The following NFIX variants were observed in gnomAD, a reference collection of about 807,000 sequenced individuals.
The protein encoded by NFIX is nuclear factor I X.
In NFIX, 2 loss-of-function variants were observed where a neutral mutation model predicts 53.3. The observed-to-expected ratio is 0.04, with a 90% CI of 0.02 to 0.12. NFIX has a LOEUF of 0.12. Among genes scored for constraint, NFIX ranks in the 10% least tolerant of loss-of-function variants. NFIX has a pLI of 1.00. For missense variants in NFIX, 310 were observed against 674.5 expected (o/e 0.46, Z 5.99); for synonymous variants, 244 against 289.0 (o/e 0.84, Z 1.58).
At chr19:13,062,348 T>C (rs530882859) in intron 2 of NFIX, among the ~76,000 whole-genome samples, 7 of 152,346 alleles carry the variant, frequency 4.6e-5, no homozygotes, top group African/African-American at 1.7e-4. Context: ...GGGGAAGATG[T>C]CAGCTAGCTG....
At position 13,090,671 on chromosome 19, in the gene NFIX, AG is replaced by A. The variant is rs2018078687; in HGVS notation, c.1494+283del. On this transcript the variant is annotated intron_variant, in intron 10 of 10. Coordinates refer to ENST00000592199, the MANE Select transcript of NFIX (RefSeq NM_001365902.3). The surrounding 1 kb of genome is among the most constrained non-coding windows in gnomAD (Gnocchi z 6.6). Reference sequence around the variant, plus strand: ...CCCAAGTCTAGAGGCCCTCTGGGCCAGGCCTGGTAGAAGCAAAGATGGAAGC... The same window carrying A: ...CCCAAGTCTAGAGGCCCTCTGGGCCAGCCTGGTAGAAGCAAAGATGGAAGC... 6.6e-6 allele frequency among the ~76,000 whole-genome samples: 1 copy of A among 152,230 alleles called. No individual in the cohort carries two copies. The highest frequency in any genetic ancestry group is 1.5e-5 in the Non-Finnish European group (1 of 68,028).
chr19:13,069,819 T>G (rs903377827), intron 2 of NFIX: 2 of 152,256 alleles, frequency 1.3e-5, no homozygotes, highest in African/African-American at 2.4e-5. Flanking sequence ...TGGATTTGTG[T>G]ATTTGTTCAG....
chr19:13,038,179 CA>C (rs780423252), intron 2 of NFIX, among the ~76,000 whole-genome samples: 4 of 152,184 alleles, frequency 2.6e-5, no homozygotes, highest in Non-Finnish European at 4.4e-5. Flanking sequence ...CAAAGTGAGA[CA>C]GTGCTGACAG....
rs753302605 is a variant in NFIX, at chr19:13,040,379, G to A, written c.559+14827G>A. Among the ~76,000 whole-genome samples, 4 of 152,210 alleles carry A rather than the reference G, an allele frequency of 2.6e-5. No individual in the cohort carries two copies. The highest frequency in any genetic ancestry group is 4.4e-5 in the Non-Finnish European group (3 of 68,036). On this transcript the variant is annotated intron_variant, in intron 2 of 10. Transcript: ENST00000592199. This position sits in a 1 kb window ranked among gnomAD's most constrained non-coding sequence, Gnocchi z 4.2. ...CATGTCCTCTCCAGACTTGGTCTGC[G>A]GAGCAGCCAAACTCACTCGTGACAG...
intron 2 of NFIX, among the ~76,000 whole-genome samples, chr19:13,046,436 G>A (rs140340524): frequency 6.6e-6 from 1 of 152,178 alleles, no homozygotes; most frequent in African/African-American, 2.4e-5. Flanking sequence ...GTTTCACACC[G>A]AGTCCCTAAT....
At chr19:13,041,873 C>T (rs1031637005) in intron 2 of NFIX, among the ~76,000 whole-genome samples, 4 of 151,210 alleles carry the variant, frequency 2.6e-5, no homozygotes, top group South Asian at 4.2e-4. Flanking sequence ...AGTGGTTTAG[C>T]ATCTTTTCTT....
chr19:13,073,330 AG>A lies in NFIX; in HGVS notation c.623-89del, dbSNP rs1448219935. 1 of 1,158,518 alleles carries A rather than the reference AG, an allele frequency of 8.6e-7. No homozygotes were observed. The highest frequency in any genetic ancestry group is 1.5e-5 in the African/African-American group (1 of 65,984). 71.8% of individuals were successfully genotyped at this position (1,158,518 alleles called of 1,614,324 possible). A position where few individuals can be genotyped will look rare whatever the true frequency, so the allele number is the denominator to read the frequency against. ...CCTGGAGCTGGAAACGGGACTTGGG[AG>A]GGAGAAGCAACAGTGTGGAAGACCT... On this transcript the variant is annotated intron_variant, in intron 3 of 10. Coordinates refer to ENST00000592199, the MANE Select transcript of NFIX (RefSeq NM_001365902.3). The surrounding 1 kb of genome is among the most constrained non-coding windows in gnomAD (Gnocchi z 4.5).
Position 13,073,306 on chromosome 19 carries a change from C to G in NFIX, c.623-116C>G, listed in dbSNP as rs982227957. The G allele has an allele frequency of 3.9e-5, 40 of 1,025,650 alleles. No individual in the cohort carries two copies. Among genetic ancestry groups the G allele is most frequent in the Middle Eastern group, 4.0e-4 (2 of 4,960 alleles). The allele number at this position is 1,025,650 out of a possible 1,614,324, so 63.5% of individuals were successfully genotyped here. ...GTTCGGTGTAGACCTGAGGGCTAGCCTGGAGCTGGAAACGGGACTTGGGAG... is the reference window on the plus strand; with the variant it reads ...GTTCGGTGTAGACCTGAGGGCTAGCGTGGAGCTGGAAACGGGACTTGGGAG... On this transcript the variant is annotated intron_variant, in intron 3 of 10. Coordinates refer to ENST00000592199, the MANE Select transcript of NFIX (RefSeq NM_001365902.3). This position sits in a 1 kb window ranked among gnomAD's most constrained non-coding sequence, Gnocchi z 4.5.
At position 13,088,265 on chromosome 19, in the gene NFIX, A is replaced by C; in HGVS notation, c.1402+129A>C. ...CCCCCCAACCCAGAGCACCATGGAC[A>C]AGAGCAGAGCCGAGCCCCCCAACCA... On this transcript the variant is annotated intron_variant, in intron 9 of 10. Transcript: ENST00000592199. The surrounding 1 kb of genome is among the most constrained non-coding windows in gnomAD (Gnocchi z 5.9). The C allele has an allele frequency of 8.6e-7, 1 of 1,163,628 alleles. No individual in the cohort carries two copies. The highest frequency in any genetic ancestry group is 2.6e-5 in the East Asian group (1 of 38,092). 72.1% of individuals were successfully genotyped at this position (1,163,628 alleles called of 1,614,324 possible). A position where few individuals can be genotyped will look rare whatever the true frequency, so the allele number is the denominator to read the frequency against.
intron 2 of NFIX, among the ~76,000 whole-genome samples, chr19:13,033,680 A>G (rs1367345143): frequency 6.6e-6 from 1 of 152,220 alleles, no homozygotes; most frequent in Admixed American, 6.5e-5. Context: ...CTTTAGCACC[A>G]GGCTAAGTCC....
chr19:13,007,389 T>C (rs1043199908), intron 1 of NFIX, among the ~76,000 whole-genome samples: 6 of 152,084 alleles, frequency 3.9e-5, no homozygotes, highest in African/African-American at 1.4e-4. Flanking sequence ...ACCCCTTCAT[T>C]TGCCTCAAGC....
chr19:13,017,475 G>A (rs1437093916), intron 1 of NFIX, among the ~76,000 whole-genome samples: 4 of 152,202 alleles, frequency 2.6e-5, no homozygotes, highest in African/African-American at 7.2e-5. Flanking sequence ...GTGCCAGGCC[G>A]ATCTGAGGGC....
At position 12,998,339 on chromosome 19, in the gene NFIX, C is replaced by T. The variant is rs2011543607; in HGVS notation, c.27+2475C>T. On this transcript the variant is annotated intron_variant, in intron 1 of 10. Transcript: ENST00000592199. The surrounding 1 kb of genome is among the most constrained non-coding windows in gnomAD (Gnocchi z 4.4). ...CTCTCTCTTTCCCTCTCTCTCTCTC[C>T]CTTTTCTTTTTTTCAAACCAGAATT... 2.0e-5 allele frequency among the ~76,000 whole-genome samples: 3 copies of T among 151,858 alleles called. No homozygotes were observed. Among genetic ancestry groups the T allele is most frequent in the South Asian group, 4.2e-4 (2 of 4,798 alleles).
rs1485204237 is a variant in NFIX, at chr19:13,088,084, C to A, written c.1350C>A (p.Ser450=). The part of the protein sequence containing the change: ...ARPVPLPMPD[S]KSTSTAPDGA... ...CTGTGCCCCTTCCTATGCCTGATTCCAAATCCACCAGCACTGCCCCAGACG... is the reference window on the plus strand; with the variant it reads ...CTGTGCCCCTTCCTATGCCTGATTCAAAATCCACCAGCACTGCCCCAGACG... Residue 450 remains serine, a synonymous_variant, in exon 9 of 11, where the codon TCC becomes TCA. Transcript: ENST00000592199. This position sits in a 1 kb window ranked among gnomAD's most constrained non-coding sequence, Gnocchi z 5.9. 6.5e-7 allele frequency: 1 copy of A among 1,536,502 alleles called. No homozygotes were observed.
At position 13,073,391 on chromosome 19, in the gene NFIX, T is replaced by C; in HGVS notation, c.623-31T>C. On this transcript the variant is annotated intron_variant, in intron 3 of 10. Transcript: ENST00000592199. This position sits in a 1 kb window ranked among gnomAD's most constrained non-coding sequence, Gnocchi z 4.5. ...GCCAGGCAGCCCCCTTCTGGCCTTGTCTTGACTCACTCATCCTTTCCCCTC... is the reference window on the plus strand; with the variant it reads ...GCCAGGCAGCCCCCTTCTGGCCTTGCCTTGACTCACTCATCCTTTCCCCTC... The C allele has an allele frequency of 6.3e-7, 1 of 1,590,748 alleles. No homozygotes were observed. The highest frequency in any genetic ancestry group is 8.6e-7 in the Non-Finnish European group (1 of 1,158,642).
rs2017229810 is a variant in NFIX at position 13,078,222 on chromosome 19, G to GGC, written c.956-390_956-389dup. On this transcript the variant is annotated intron_variant, in intron 6 of 10. Coordinates refer to ENST00000592199, the MANE Select transcript of NFIX (RefSeq NM_001365902.3). This position sits in a 1 kb window ranked among gnomAD's most constrained non-coding sequence, Gnocchi z 4.7. ...GTCCCTCCCAAACTTACCCCTTCCC[G>GGC]GCTCTCAAGCTGGCGCCCTGGGGTT... Among the ~76,000 whole-genome samples, 3 of 152,070 alleles carry GGC rather than the reference G, an allele frequency of 2.0e-5. No homozygotes were observed. The highest frequency in any genetic ancestry group is 4.1e-4 in the South Asian group (2 of 4,828).
At chr19:13,085,810 G>A (rs962519935) in intron 8 of NFIX, among the ~76,000 whole-genome samples, 1 of 152,172 alleles carries the variant, frequency 6.6e-6, no homozygotes. Context: ...GGGCGTGGCT[G>A]CACAGGCCAG....
chr19:13,094,323 C>T lies in NFIX; in HGVS notation c.1495-312C>T, dbSNP rs2018313619. 6.6e-6 allele frequency among the ~76,000 whole-genome samples: 1 copy of T among 152,230 alleles called. No homozygotes were observed. The highest frequency in any genetic ancestry group is 1.5e-5 in the Non-Finnish European group (1 of 68,040). On this transcript the variant is annotated intron_variant, in intron 10 of 10. Coordinates refer to ENST00000592199, the MANE Select transcript of NFIX (RefSeq NM_001365902.3). The surrounding 1 kb of genome is among the most constrained non-coding windows in gnomAD (Gnocchi z 4.3). ...ACACAAAAACCTAAACAATTGGAAA[C>T]ATGGCCAGATCTCAGGCCTGTGCCA...
At chr19:13,035,945 A>T (rs1288110896) in intron 2 of NFIX, among the ~76,000 whole-genome samples, 2 of 152,204 alleles carry the variant, frequency 1.3e-5, no homozygotes, top group African/African-American at 2.4e-5. Context: ...CTGAGGTGAC[A>T]GTTTCAGCGT....
Sources: allele counts gnomAD v4.1 joint callset (sites outside exome capture counted in the v4.1 genomes callset), GRCh38; gene constraint gnomAD v4.1.1; non-coding constraint Gnocchi (gnomAD v3.1); transcripts MANE v1.5; gene names NCBI Gene and HGNC (gene_info 2026-07-23, HGNC 2026-07-21).